Variants in LONP2 observed in about 807,000 individuals in gnomAD.
The protein encoded by LONP2 is lon peptidase 2, peroxisomal.
A neutral mutation model predicts 85.6 loss-of-function variants in LONP2; 60 were observed. The observed-to-expected ratio is 0.70, with a 90% CI of 0.57 to 0.87. The LOEUF (loss-of-function observed/expected upper bound fraction) is 0.87, where lower values mean the gene tolerates loss of function less well. LONP2 is among the 40% of genes least tolerant of loss of function. The pLI, the probability that LONP2 is intolerant of heterozygous loss-of-function variation, is 0.00. For missense variants in LONP2, 860 were observed against 1,063.5 expected, an observed-to-expected ratio of 0.81 and a Z score of 2.66; for synonymous variants, 395 against 389.7, an observed-to-expected ratio of 1.01 and a Z score of -0.16.
chr16:48,290,239 CAGATTTAATT>C (rs1323295106), intron 8 of LONP2, among the ~76,000 whole-genome samples: 1 of 152,140 alleles, frequency 6.6e-6, no homozygotes, highest in African/African-American at 2.4e-5. Flanking sequence ...GTCTTTATCA[CAGATTTAATT>C]TCCATAGTTG....
At chr16:48,258,153 C>T (rs1355041848) in intron 3 of LONP2, among the ~76,000 whole-genome samples, 1 of 152,094 alleles carries the variant, frequency 6.6e-6, no homozygotes, top group Non-Finnish European at 1.5e-5. Flanking sequence ...CGAGACCATC[C>T]TGGCTAACAG....
At chr16:48,357,480 C>T (rs1960417583), downstream of LONP2, 1 of 151,268 alleles carries the variant, frequency 6.6e-6, no homozygotes. Flanking sequence ...CTATCTGTAC[C>T]TTTCATGTTT....
chr16:48,317,519 A>G (rs760157900), intron 11 of LONP2, among the ~76,000 whole-genome samples: 4 of 152,216 alleles, frequency 2.6e-5, no homozygotes, highest in Non-Finnish European at 5.9e-5. Context: ...TTAGGCTTCT[A>G]CCTATATAAT....
intron 12 of LONP2, chr16:48,345,661 G>C (rs1274132951): frequency 6.6e-6 from 1 of 152,238 alleles, no homozygotes; most frequent in African/African-American, 2.4e-5. Context: ...CATGCTGTCA[G>C]CTTGATGCTG....
At chr16:48,280,234 G>A (rs1972297582) in intron 8 of LONP2, among the ~76,000 whole-genome samples, 1 of 151,974 alleles carries the variant, frequency 6.6e-6, no homozygotes, top group South Asian at 2.1e-4. Context: ...AATTTATATT[G>A]GGACATTTTT....
chr16:48,260,811 G>A (rs894648675), intron 4 of LONP2, among the ~76,000 whole-genome samples: 7 of 152,204 alleles, frequency 4.6e-5, no homozygotes, highest in Non-Finnish European at 1.0e-4. Flanking sequence ...AACAGATGCC[G>A]AAGGCTCACT....
chr16:48,333,266 G>C (rs1220073878), intron 11 of LONP2, among the ~76,000 whole-genome samples: 5 of 152,132 alleles, frequency 3.3e-5, no homozygotes. Flanking sequence ...GTATGTCTAG[G>C]TCCAAACCAA....
In LONP2 at chr16:48,351,697, T is replaced by TTTAAG; in HGVS notation, c.2457_2461dup (p.Phe821Ter). On this transcript the variant is annotated frameshift_variant, in exon 15 of 15. Coordinates refer to ENST00000285737, the MANE Select transcript of LONP2 (RefSeq NM_031490.5). LOFTEE classifies it high-confidence loss of function. ...GAATCCCAGGCAACGTACGACAGGA[T>TTTAAG]TTAAGTTTTGTCACAGCAAGCTGCC... 5 of 1,614,208 alleles carry TTTAAG rather than the reference T, an allele frequency of 3.1e-6. No individual in the cohort carries two copies. In the South Asian group the frequency reaches 5.5e-5, roughly 18 times the overall value.
At chr16:48,333,229 C>T (rs1262787207) in intron 11 of LONP2, among the ~76,000 whole-genome samples, 1 of 152,030 alleles carries the variant, frequency 6.6e-6, no homozygotes. Context: ...GAAGATGGTC[C>T]GATAAGTCAA....
chr16:48,331,114 C>G (rs1959430572), intron 11 of LONP2, among the ~76,000 whole-genome samples: 1 of 152,208 alleles, frequency 6.6e-6, no homozygotes. Flanking sequence ...TCTTTTTGCA[C>G]TGGCTGAAGT....
chr16:48,269,018 C>T (rs1972047982), intron 6 of LONP2, among the ~76,000 whole-genome samples: 1 of 152,114 alleles, frequency 6.6e-6, no homozygotes, highest in Admixed American at 6.6e-5. Flanking sequence ...TGGCAGCCAC[C>T]CAGCTAGTGA....
chr16:48,326,093 C>T (rs1210134375), intron 11 of LONP2, among the ~76,000 whole-genome samples: 1 of 152,158 alleles, frequency 6.6e-6, no homozygotes, highest in Non-Finnish European at 1.5e-5. Flanking sequence ...AGCTTCTGCC[C>T]AGCATTTAAT....
chr16:48,254,618 G>A lies in LONP2; in HGVS notation c.469-1992G>A, dbSNP rs564212630. Among the ~76,000 whole-genome samples the A allele has an allele frequency of 9.9e-5, 15 of 152,128 alleles. No homozygotes were observed. The South Asian group carries it at 3.1e-3, about 32-fold the overall frequency. ...GACCTCATGATCCAACCGCCACCACGCCCGGCCTCCATCTCTGAATTTTAA... is the reference window on the plus strand; with the variant it reads ...GACCTCATGATCCAACCGCCACCACACCCGGCCTCCATCTCTGAATTTTAA... On this transcript the variant is annotated intron_variant, in intron 2 of 14. Coordinates refer to ENST00000285737, the MANE Select transcript of LONP2 (RefSeq NM_031490.5).
intron 1 of LONP2, among the ~76,000 whole-genome samples, chr16:48,245,238 C>G (rs917551442): frequency 1.3e-5 from 2 of 152,106 alleles, no homozygotes; most frequent in South Asian, 2.1e-4. Flanking sequence ...TTCGCTGGTC[C>G]CCCTTTCTGG....
rs1380882996 is a variant in LONP2, at chr16:48,258,737, GA to G, written c.721del (p.Arg241GlyfsTer3). 1 of 1,601,634 alleles carries G rather than the reference GA, an allele frequency of 6.2e-7. No individual in the cohort carries two copies. Among genetic ancestry groups the G allele is most frequent in the Non-Finnish European group, 8.5e-7 (1 of 1,176,336 alleles). On this transcript the variant is annotated frameshift_variant and splice_region_variant, in exon 4 of 15. Transcript: ENST00000285737. LOFTEE classifies it high-confidence loss of function. ...TRKPKQDDDK[R>X]VIAIRPIRRI... Reference sequence around the variant, plus strand: ...GAAAACCCAAGCAAGATGATGATAAGAGGGTAAATATTTATTTTAACCCATT... The same window carrying G: ...GAAAACCCAAGCAAGATGATGATAAGGGGTAAATATTTATTTTAACCCATT...
At chr16:48,299,273 A>T (rs1972747279) in intron 9 of LONP2, among the ~76,000 whole-genome samples, 2 of 152,166 alleles carry the variant, frequency 1.3e-5, no homozygotes, top group Non-Finnish European at 2.9e-5. Flanking sequence ...CATTTAATCT[A>T]CATTTGATTC....
chr16:48,332,907 CA>C (rs889669569), intron 11 of LONP2, among the ~76,000 whole-genome samples: 3 of 143,902 alleles, frequency 2.1e-5, no homozygotes, highest in Non-Finnish European at 4.5e-5. Context: ...GACTCTGTCT[CA>C]AAAAATATAG....
rs1459649863 is a variant in LONP2, at chr16:48,348,249, G to A, written c.2296G>A (p.Ala766Thr). 2 of 1,575,178 alleles carry A rather than the reference G, an allele frequency of 1.3e-6. No homozygotes were observed. Among genetic ancestry groups the A allele is most frequent in the Non-Finnish European group, 8.6e-7 (1 of 1,163,196 alleles). Residue 766 changes from alanine to threonine, a missense_variant, in exon 14 of 15, where the codon GCC (alanine) becomes ACC (threonine). Coordinates refer to ENST00000285737, the MANE Select transcript of LONP2 (RefSeq NM_031490.5). ...FSGRLVRSDV[A>T]MTGEITLRGL... ...TGGGCGGCTGGTACGTTCAGATGTA[G>A]CCATGACTGGAGAAATTACACTGAG...
chr16:48,312,527 G>T (rs1973055356), intron 11 of LONP2, among the ~76,000 whole-genome samples: 1 of 152,022 alleles, frequency 6.6e-6, no homozygotes, highest in South Asian at 2.1e-4. Context: ...TTGCTTCAGG[G>T]TGCATTCAGT....
Sources: gnomAD v4.1 joint callset for allele counts (sites outside exome capture counted in the v4.1 genomes callset) on GRCh38, gnomAD v4.1.1 for gene constraint, MANE v1.5 for transcripts, NCBI Gene and HGNC (gene_info 2026-07-23, HGNC 2026-07-21) for gene names.